Variants in LRRC40 observed in about 807,000 individuals in gnomAD.
LRRC40 encodes leucine rich repeat containing 40, also known as leucine-rich repeat-containing protein 40.
A neutral mutation model predicts 72.8 loss-of-function variants in LRRC40; 76 were observed. The observed-to-expected ratio is 1.04, with a 90% confidence interval of 0.87 to 1.26. The LOEUF is 1.26. Among genes scored for constraint, LRRC40 ranks in the 50% most tolerant of loss-of-function variants. LRRC40 has a pLI of 0.00. For missense variants in LRRC40, 684 were observed against 698.9 expected (o/e 0.98, Z 0.24); for synonymous variants, 243 against 254.2 (o/e 0.96, Z 0.42).
intron 1 of LRRC40, among the ~76,000 whole-genome samples, chr1:70,197,581 C>A (rs977559992): frequency 7.3e-5 from 11 of 150,562 alleles, no homozygotes; most frequent in Non-Finnish European, 1.6e-4. Context: ...ACCTGGCCCC[C>A]CCAACCCCCG....
In LRRC40 at chr1:70,159,410, A is replaced by G. The variant is rs758291699; in HGVS notation, c.1140T>C (p.Ala380=). ...TTGGTAGTGTCATGGCAGTCTCAGTAGCAGACTCACTTTGGCTAGGTCCAT... is the reference window on the plus strand; with the variant it reads ...TTGGTAGTGTCATGGCAGTCTCAGTGGCAGACTCACTTTGGCTAGGTCCAT... The part of the protein sequence containing the change: ...KDDGPSQSES[A]TETAMTLPSE... The change falls in exon 10 of 15, where the codon GCT becomes GCC. Residue 380 remains alanine, a synonymous_variant. Coordinates refer to ENST00000370952, the MANE Select transcript of LRRC40 (RefSeq NM_017768.5). 5.6e-6 allele frequency: 9 copies of G among 1,595,444 alleles called. 1 individual carries two copies. The South Asian group carries it at 1.0e-4, about 18-fold the overall frequency.
At chr1:70,189,298 G>GAAAAAAAAAAAAAAAAAAAAAAAAAAA in intron 1 of LRRC40, 25 bp from the exon 2 acceptor site, 3 of 685,986 alleles carry the variant, frequency 4.4e-6, no homozygotes, top group South Asian at 1.1e-4. Flanking sequence ...ACCACACCAG[G>GAAAAAAAAAAAAAAAAAAAAAAAAAAA]AAAAAAAAAA....
chr1:70,193,579 G>A (rs1668547464), intron 1 of LRRC40, among the ~76,000 whole-genome samples: 1 of 151,898 alleles, frequency 6.6e-6, no homozygotes, highest in Non-Finnish European at 1.5e-5. Flanking sequence ...TCAAAACATA[G>A]AGAAAAGAAC....
Position 70,187,400 on chromosome 1 carries a change from T to C in LRRC40, c.334-62A>G, listed in dbSNP as rs146637292. The C allele has an allele frequency of 2.9e-4, 234 of 809,206 alleles. 2 individuals are homozygous for C. The East Asian group carries it at 6.1e-3, about 21-fold the overall frequency. The allele number at this position is 809,206 out of a possible 1,614,324, so 50.1% of individuals were successfully genotyped here. On this transcript the variant is annotated intron_variant, in intron 2 of 14. Transcript: ENST00000370952. ...TCTTATCATTAACAATATATAAGCT[T>C]TGCCAGTGTACAAAACTATTAGTCA...
At chr1:70,162,869 C>T (rs1667794645) in intron 9 of LRRC40, among the ~76,000 whole-genome samples, 1 of 152,160 alleles carries the variant, frequency 6.6e-6, no homozygotes, top group Non-Finnish European at 1.5e-5. Context: ...GATTCCAATT[C>T]ATTAATATAT....
intron 10 of LRRC40, among the ~76,000 whole-genome samples, chr1:70,158,232 G>C (rs1250701849): frequency 6.6e-6 from 1 of 151,040 alleles, no homozygotes; most frequent in Non-Finnish European, 1.5e-5. Flanking sequence ...TGATTTCTAA[G>C]AGTGGCAGGC....
intron 4 of LRRC40, among the ~76,000 whole-genome samples, chr1:70,184,184 G>C (rs892605601): frequency 2.9e-4 from 43 of 149,524 alleles, no homozygotes; most frequent in African/African-American, 1.1e-3. Flanking sequence ...GGGAGGTGGA[G>C]GTTGCAGTGA....
intron 1 of LRRC40, among the ~76,000 whole-genome samples, chr1:70,199,716 T>C (rs779541007): frequency 6.6e-6 from 1 of 152,214 alleles, no homozygotes; most frequent in Non-Finnish European, 1.5e-5. Context: ...CAAATATATG[T>C]TAATTGACTG....
At chr1:70,169,969 AT>A (rs1288264358) in intron 9 of LRRC40, among the ~76,000 whole-genome samples, 2 of 152,198 alleles carry the variant, frequency 1.3e-5, no homozygotes, top group East Asian at 3.8e-4. Context: ...ACAAAAAAAA[AT>A]CACAAGAAAA....
intron 1 of LRRC40, among the ~76,000 whole-genome samples, chr1:70,200,684 C>T (rs1451142105): frequency 6.6e-6 from 1 of 152,040 alleles, no homozygotes; most frequent in Non-Finnish European, 1.5e-5. Flanking sequence ...CTGGAAGAAA[C>T]ATAGTAGATA....
At chr1:70,161,691 T>A (rs529517513) in intron 9 of LRRC40, among the ~76,000 whole-genome samples, 1 of 152,132 alleles carries the variant, frequency 6.6e-6, no homozygotes, top group Non-Finnish European at 1.5e-5. Flanking sequence ...TTGAAGCAAA[T>A]AGGCACTGAT....
At chr1:70,204,732 T>TACACACACACACACACACAC (rs3219841) in intron 1 of LRRC40, among the ~76,000 whole-genome samples, 18 of 145,188 alleles carry the variant, frequency 1.2e-4, no homozygotes, top group African/African-American at 3.8e-4. Flanking sequence ...CTCTCTCTCT[T>TACACACACACACACACACAC]ACACACACAC....
In LRRC40 at chr1:70,189,097, G is replaced by C. The variant is rs201949703; in HGVS notation, c.328C>G (p.Leu110Val). The C allele has an allele frequency of 4.5e-5, 73 of 1,608,670 alleles. No homozygotes were observed. The East Asian group carries it at 1.5e-3, about 33-fold the overall frequency. The change falls in exon 2 of 15, where the codon CTT (leucine) becomes GTT (valine). Residue 110 changes from leucine to valine, a missense_variant. Transcript: ENST00000370952. ...TTTATAGTCAGTCAACTTACATCAA[G>C]AACAGTCAGTGCAGGCAAGAGTCGC... Reference protein sequence around the residue: ...DLRLLPALTVLDIHDNQLTSL... With the variant: ...DLRLLPALTVVDIHDNQLTSL...
At chr1:70,148,137 C>CA (rs35638808) in intron 14 of LRRC40, 3,440 of 93,604 alleles carry the variant, frequency 0.037, 72 homozygotes, top group African/African-American at 0.093. Flanking sequence ...CAATCAATTT[C>CA]AAAAAAAAAA....
chr1:70,163,004 T>C (rs1667797136), intron 9 of LRRC40, among the ~76,000 whole-genome samples: 1 of 152,108 alleles, frequency 6.6e-6, no homozygotes, highest in Non-Finnish European at 1.5e-5. Context: ...AGTTCACAAG[T>C]CTGCAATGGG....
At chr1:70,177,546 A>G (rs1446551849) in intron 6 of LRRC40, among the ~76,000 whole-genome samples, 1 of 152,186 alleles carries the variant, frequency 6.6e-6, no homozygotes, top group Admixed American at 6.5e-5. Flanking sequence ...TTAGTGCAAA[A>G]CCATAAATTT....
At chr1:70,174,464 TAATGTCCACACAG>T (rs1450337154) in intron 7 of LRRC40, among the ~76,000 whole-genome samples, 1 of 151,894 alleles carries the variant, frequency 6.6e-6, no homozygotes, top group Non-Finnish European at 1.5e-5. Context: ...GAAATGAAAA[TAATGTCCACACAG>T]AAACTTGCAC....
At chr1:70,189,512 C>T (rs1354662664) in intron 1 of LRRC40, among the ~76,000 whole-genome samples, 1 of 152,150 alleles carries the variant, frequency 6.6e-6, no homozygotes, top group Non-Finnish European at 1.5e-5. Context: ...CTTTAACCTT[C>T]ATTCAACTAT....
At chr1:70,148,716 C>A in intron 13 of LRRC40, 44 bp from the exon 14 acceptor site, 1 of 1,178,164 alleles carries the variant, frequency 8.5e-7, no homozygotes, top group Non-Finnish European at 1.2e-6. Flanking sequence ...TGGAATCAGA[C>A]CAAAATCATT....
Sources: gnomAD v4.1 joint callset for allele counts (sites outside exome capture counted in the v4.1 genomes callset) on GRCh38, gnomAD v4.1.1 for gene constraint, MANE v1.5 for transcripts, NCBI Gene and HGNC (gene_info 2026-07-23, HGNC 2026-07-21) for gene names.